Variants in PCSK4 observed in about 807,000 individuals in gnomAD.
PCSK4 encodes testicular tissue protein Li 135.
In PCSK4, 64 loss-of-function variants were observed where a neutral mutation model predicts 80.3. The ratio of observed to expected loss-of-function variants is 0.80; its 90% CI spans 0.65 to 0.98. PCSK4 has a LOEUF of 0.98. PCSK4 is among the 50% of genes least tolerant of loss of function. The pLI is 0.00. For synonymous variants in PCSK4, 561 were observed against 487.6 expected (o/e 1.15, Z -1.98); for missense variants, 1,213 against 1,093.6 (o/e 1.11, Z -1.54).
exon 1 of PCSK4, chr19:1,490,191 C>G (rs571192272): frequency 1.2e-6 from 2 of 1,613,540 alleles, no homozygotes; most frequent in East Asian, 2.2e-5. Context: ...ATTTGCGTGC[C>G]AGGCGCTCGA....
In PCSK4 at chr19:1,484,023, C is replaced by T; in HGVS notation, c.1169+4G>A. On this transcript the variant is annotated splice_donor_region_variant and intron_variant, in intron 9 of 14. Transcript: ENST00000300954. ...GCGGTGGACCGGGCCCCGCAGTCAC[C>T]TACTTGGCCTCCAGCGCTAGGGCGA... 6.5e-7 allele frequency: 1 copy of T among 1,539,062 alleles called. No homozygotes were observed. Among genetic ancestry groups the T allele is most frequent in the Non-Finnish European group, 8.7e-7 (1 of 1,144,986 alleles).
exon 8 of PCSK4, chr19:1,486,983 T>C (rs2084653755): frequency 3.7e-6 from 6 of 1,609,762 alleles, no homozygotes; most frequent in African/African-American, 1.3e-5. Flanking sequence ...GCTGTTGGTG[T>C]AGCCGTCGCA....
exon 8 of PCSK4, chr19:1,487,012 C>A: frequency 6.2e-7 from 1 of 1,609,042 alleles, no homozygotes. Flanking sequence ...TGTCGTAGTG[C>A]AGGCCGCCGT....
At chr19:1,481,796 G>T in exon 15 of PCSK4, 1 of 1,518,010 alleles carries the variant, frequency 6.6e-7, no homozygotes, top group Non-Finnish European at 8.8e-7. Context: ...GGGTTTGGTG[G>T]GGGTGGCCCT....
chr19:1,486,825 G>A, intron 8 of PCSK4, 28 bp downstream of exon 8: 1 of 1,563,342 alleles, frequency 6.4e-7, no homozygotes, highest in South Asian at 1.1e-5. Flanking sequence ...GCCTGGGGAG[G>A]GGACCCTGTT....
chr19:1,485,288 G>T (rs1297085454), intron 8 of PCSK4, among the ~76,000 whole-genome samples: 1 of 152,076 alleles, frequency 6.6e-6, no homozygotes, highest in African/African-American at 2.4e-5. Flanking sequence ...AATTAGCCGG[G>T]CATGGTGGCG....
rs372751740 is a variant in PCSK4, at chr19:1,481,957, G to A, written c.2070C>T (p.Asp690=). 8 of 1,594,468 alleles carry A rather than the reference G, an allele frequency of 5.0e-6. No homozygotes were observed. The African/African-American group carries it at 6.7e-5, about 13-fold the overall frequency. The stretch of plus-strand genomic sequence containing the variant: ...CGGCAGCTCTAAGCCGGGGGCGGCT[G>A]TCGGGGGTGGTGGGTCCCATGCAGG... Residue 690 remains aspartate, a synonymous_variant, in exon 15 of 15, where the codon GAC becomes GAT. Transcript: ENST00000300954.
At position 1,481,560 on chromosome 19, in the gene PCSK4, C is replaced by T. The variant is rs1047852; in HGVS notation, c.*199G>A. On this transcript the variant is annotated 3_prime_UTR_variant, in exon 15 of 15. Coordinates refer to ENST00000300954, the Ensembl canonical transcript of PCSK4. ...CCAGCCTCTCCCCCCAGCCCACTCC[C>T]GCCCAAACCCAAAATGCAGAGGAGA... The T allele has an allele frequency of 0.3, 139,628 of 459,056 alleles. 23,352 individuals carry two copies. Among genetic ancestry groups the T allele is most frequent in the South Asian group, 0.35 (6,101 of 17,188 alleles). 28.4% of individuals were successfully genotyped at this position (459,056 alleles called of 1,614,324 possible).
At chr19:1,486,518 G>C (rs1039456390) in intron 8 of PCSK4, among the ~76,000 whole-genome samples, 5 of 149,186 alleles carry the variant, frequency 3.4e-5, no homozygotes, top group African/African-American at 1.2e-4. Context: ...GGATGGTCTC[G>C]ATCTCCCGAC....
At chr19:1,489,291 C>T (rs1419345390) in intron 2 of PCSK4, among the ~76,000 whole-genome samples, 1 of 152,098 alleles carries the variant, frequency 6.6e-6, no homozygotes, top group Non-Finnish European at 1.5e-5. Flanking sequence ...GCCACCATGC[C>T]CGGCTAATTT....
chr19:1,482,539 G>T (rs2084353614), intron 13 of PCSK4, 64 bp from the exon 14 acceptor site: 1 of 1,551,940 alleles, frequency 6.4e-7, no homozygotes, highest in Admixed American at 1.8e-5. Flanking sequence ...GGTCCTGGTA[G>T]TCCCCGGGCT....
chr19:1,489,827 C>A, exon 2 of PCSK4: 2 of 1,610,394 alleles, frequency 1.2e-6, no homozygotes, highest in Non-Finnish European at 1.7e-6. Flanking sequence ...GCGGTGGCCC[C>A]AGTGCGGGGT....
intron 14 of PCSK4, 59 bp from the exon 15 acceptor site, chr19:1,482,266 C>A: frequency 2.6e-6 from 4 of 1,527,048 alleles, no homozygotes; most frequent in Non-Finnish European, 3.5e-6. Context: ...CTGTTACTCG[C>A]CACCCGCCCG....
intron 5 of PCSK4, 42 bp downstream of exon 5, chr19:1,487,743 G>C: frequency 1.3e-6 from 2 of 1,545,472 alleles, no homozygotes; most frequent in Non-Finnish European, 1.8e-6. Context: ...CCCCCTGCCG[G>C]GTACTGGGGC....
rs546363629 is a variant in PCSK4, at chr19:1,484,132, G to A, written c.1069-5C>T. The A allele has an allele frequency of 1.3e-4, 196 of 1,525,868 alleles. 2 individuals are homozygous for A. In the South Asian group the frequency reaches 2.1e-3, roughly 17 times the overall value. 94.5% of individuals were successfully genotyped at this position (1,525,868 alleles called of 1,614,324 possible). The stretch of plus-strand genomic sequence containing the variant: ...GTGATGCAGGTCCGTGGTGACCTGA[G>A]GGCAGAGGGGGGTGGGACTCGGGGG... On this transcript the variant is annotated splice_polypyrimidine_tract_variant and splice_region_variant and intron_variant, in intron 8 of 14. Coordinates refer to ENST00000300954, the Ensembl canonical transcript of PCSK4.
exon 12 of PCSK4, chr19:1,483,331 G>A (rs773688426): frequency 6.2e-7 from 1 of 1,609,812 alleles, no homozygotes; most frequent in Admixed American, 1.7e-5. Flanking sequence ...TGGTGAGCGA[G>A]ATCTCCAGGT....
chr19:1,482,259 T>C (rs777765723), intron 14 of PCSK4, 52 bp from the exon 15 acceptor site: 1 of 1,525,898 alleles, frequency 6.6e-7, no homozygotes, highest in Non-Finnish European at 8.8e-7. Flanking sequence ...CCGCAGCCTG[T>C]TACTCGCCAC....
chr19:1,489,195 G>A (rs977941949), intron 2 of PCSK4, among the ~76,000 whole-genome samples: 2 of 148,546 alleles, frequency 1.3e-5, no homozygotes, highest in African/African-American at 2.5e-5. Context: ...GCAATGGCGC[G>A]ATCTCGGCTC....
intron 9 of PCSK4, 27 bp downstream of exon 9, chr19:1,484,000 G>A (rs565552294): frequency 2.0e-6 from 3 of 1,505,524 alleles, no homozygotes; most frequent in South Asian, 2.4e-5. Context: ...GGGCGAGGGC[G>A]GTGGACCGGG....
Sources: allele counts gnomAD v4.1 joint callset (sites outside exome capture counted in the v4.1 genomes callset), GRCh38; gene constraint gnomAD v4.1.1; transcripts MANE v1.5; gene names NCBI Gene and HGNC (gene_info 2026-07-23, HGNC 2026-07-21).